The following CIB1 variants were observed in gnomAD, a reference collection of about 807,000 sequenced individuals.
CIB1 encodes calcium and integrin binding 1.
A neutral mutation model predicts 25.0 loss-of-function variants in CIB1; 19 were observed. The observed-to-expected ratio is 0.76, with a 90% CI of 0.53 to 1.12. The LOEUF is 1.12. CIB1 is among the 50% of genes most tolerant of loss of function. CIB1 has a pLI of 0.00. For missense variants in CIB1, 236 were observed against 242.6 expected, an observed-to-expected ratio of 0.97 and a Z score of 0.18; for synonymous variants, 104 against 98.5, an observed-to-expected ratio of 1.06 and a Z score of -0.33.
the CIB1 span, chr15:90,253,466 C>A: frequency 2.6e-6 from 2 of 765,944 alleles, no homozygotes; most frequent in Non-Finnish European, 4.1e-6. Context: ...CTCTTTGTGG[C>A]TGTCCCCTTG....
At chr15:90,247,631 C>A in the CIB1 span, among the ~76,000 whole-genome samples, 1 of 151,620 alleles carries the variant, frequency 6.6e-6, no homozygotes, top group Non-Finnish European at 1.5e-5. Flanking sequence ...ATTGCTGTAT[C>A]CCTGTATAGA....
At chr15:90,263,510 C>T in the CIB1 span, 2 of 527,144 alleles carry the variant, frequency 3.8e-6, no homozygotes, top group Non-Finnish European at 6.7e-6. Context: ...TGCCCCAGCT[C>T]TAATGGGAGA....
chr15:90,246,570 C>T, the CIB1 span, among the ~76,000 whole-genome samples: 20 of 151,668 alleles, frequency 1.3e-4, no homozygotes, highest in Non-Finnish European at 2.8e-4. Flanking sequence ...AGGTGGATCA[C>T]CTGAGGTCAA....
chr15:90,262,216 G>A, the CIB1 span: 1 of 1,508,890 alleles, frequency 6.6e-7, no homozygotes, highest in Non-Finnish European at 8.8e-7. Flanking sequence ...ATTCTCCTCT[G>A]CACACCTAGG....
the CIB1 span, among the ~76,000 whole-genome samples, chr15:90,254,562 G>A: frequency 4.4e-5 from 6 of 136,998 alleles, no homozygotes; most frequent in Admixed American, 1.6e-4. Flanking sequence ...GGCTGGGCAC[G>A]GTGGACGGTG....
chr15:90,246,945 A>G, the CIB1 span, among the ~76,000 whole-genome samples: 1 of 151,594 alleles, frequency 6.6e-6, no homozygotes, highest in Non-Finnish European at 1.5e-5. Context: ...GGGACTGCAG[A>G]ACATTTCCAG....
At chr15:90,257,667 G>A in the CIB1 span, 2 of 1,614,180 alleles carry the variant, frequency 1.2e-6, no homozygotes, top group Non-Finnish European at 1.7e-6. Context: ...GACCAACTAT[G>A]CTATCAACAA....
At chr15:90,257,248 C>G in the CIB1 span, 2 of 1,614,024 alleles carry the variant, frequency 1.2e-6, no homozygotes, top group Non-Finnish European at 1.7e-6. Flanking sequence ...GTTTTGCCAC[C>G]ACGCCCTATA....
the CIB1 span, chr15:90,262,171 G>A: frequency 1.3e-6 from 2 of 1,534,696 alleles, no homozygotes; most frequent in Admixed American, 2.0e-5. Flanking sequence ...CTGCTTCCAA[G>A]GCCAGAGAGG....
At chr15:90,253,932 A>G in the CIB1 span, among the ~76,000 whole-genome samples, 2 of 152,228 alleles carry the variant, frequency 1.3e-5, no homozygotes, top group Non-Finnish European at 2.9e-5. Context: ...GCCAGGCAGG[A>G]AGTTGAGGAA....
At chr15:90,233,990 C>A (rs1962574612), upstream of CIB1, 5 of 1,270,278 alleles carry the variant, frequency 3.9e-6, no homozygotes, top group South Asian at 8.0e-5. Context: ...GGCAACCGCT[C>A]CTGGGGCCAC....
At position 90,231,230 on chromosome 15, in the gene CIB1, G is replaced by T; in HGVS notation, c.347-17C>A. The T allele has an allele frequency of 6.2e-7, 1 of 1,613,668 alleles. No homozygotes were observed. Among genetic ancestry groups the T allele is most frequent in the Non-Finnish European group, 8.5e-7 (1 of 1,179,558 alleles). Reference sequence around the variant, plus strand: ...CATCAAAGTCTAGAGAGCAGACACAGGAAGCCAAAAGACACGGTTGGGAGG... The same window carrying T: ...CATCAAAGTCTAGAGAGCAGACACATGAAGCCAAAAGACACGGTTGGGAGG... On this transcript the variant is annotated splice_polypyrimidine_tract_variant and intron_variant, in intron 4 of 6. Coordinates refer to ENST00000328649, the MANE Select transcript of CIB1 (RefSeq NM_006384.4).
At chr15:90,244,335 C>T in the CIB1 span, 1 of 152,146 alleles carries the variant, frequency 6.6e-6, no homozygotes, top group Non-Finnish European at 1.5e-5. Context: ...AAAGCTAAGT[C>T]GTTGTTCCTC....
At chr15:90,262,201 C>G in the CIB1 span, 1 of 1,522,868 alleles carries the variant, frequency 6.6e-7, no homozygotes, top group Non-Finnish European at 8.8e-7. Flanking sequence ...GGTACTTTGA[C>G]CGACATTCTC....
In CIB1 at chr15:90,233,657, G is replaced by A. The variant is rs373243963; in HGVS notation, c.86+12C>T. ...TCCCGGGGTCGGAGGCAGGGTTCAAGGCAGCACTTACAGGAGGATCTCCTG... is the reference window on the plus strand; with the variant it reads ...TCCCGGGGTCGGAGGCAGGGTTCAAAGCAGCACTTACAGGAGGATCTCCTG... On this transcript the variant is annotated intron_variant, in intron 2 of 6. Transcript: ENST00000328649. 7.6e-6 allele frequency: 12 copies of A among 1,574,652 alleles called. No homozygotes were observed. The African/African-American group carries it at 1.5e-4, about 19-fold the overall frequency.
chr15:90,246,616 C>A, the CIB1 span, among the ~76,000 whole-genome samples: 6 of 80 alleles, frequency 0.075, no homozygotes, highest in Middle Eastern at 0.5. Flanking sequence ...TGGTGAAACC[C>A]CATCTCTCTG....
chr15:90,250,497 G>A, the CIB1 span: 1 of 1,109,314 alleles, frequency 9.0e-7, no homozygotes, highest in Non-Finnish European at 1.3e-6. Flanking sequence ...TTGTCCTGAA[G>A]GGGCAGCAAC....
the CIB1 span, among the ~76,000 whole-genome samples, chr15:90,249,232 A>AC: frequency 6.6e-6 from 1 of 151,628 alleles, no homozygotes; most frequent in African/African-American, 2.4e-5. Context: ...AAAAAAAAAA[A>AC]AAAAAGGGAG....
chr15:90,233,890 C>T lies in CIB1; in HGVS notation c.-5G>A. 6.8e-7 allele frequency: 1 copy of T among 1,468,946 alleles called. No individual in the cohort carries two copies. The highest frequency in any genetic ancestry group is 9.0e-7 in the Non-Finnish European group (1 of 1,113,506). The allele number at this position is 1,468,946 out of a possible 1,614,324, so 91.0% of individuals were successfully genotyped here. On this transcript the variant is annotated 5_prime_UTR_variant, in exon 1 of 7. Transcript: ENST00000328649. ...GCGACTGCCCGAGCCCCCCATCGCCCCGCCGCGCGCACAGCTCCGCCAACT... is the reference window on the plus strand; with the variant it reads ...GCGACTGCCCGAGCCCCCCATCGCCTCGCCGCGCGCACAGCTCCGCCAACT...
Sources: allele counts gnomAD v4.1 joint callset (sites outside exome capture counted in the v4.1 genomes callset), GRCh38; gene constraint gnomAD v4.1.1; transcripts MANE v1.5; gene names NCBI Gene and HGNC (gene_info 2026-07-23, HGNC 2026-07-21).